The following ADGRV1 variants were observed in gnomAD, a reference collection of about 807,000 sequenced individuals.
ADGRV1 encodes G-protein coupled receptor 98.
In ADGRV1, 359 loss-of-function variants were observed where a neutral mutation model predicts 596.2. That is an observed-to-expected ratio of 0.60 (90% CI 0.55 to 0.66). The LOEUF is 0.66. Among genes scored for constraint, ADGRV1 ranks in the 30% least tolerant of loss-of-function variants. The probability of loss-of-function intolerance (pLI) is 0.00; values close to 1 mark genes in which losing one functional copy is unlikely to be tolerated. For missense variants in ADGRV1, 7,274 were observed against 7,575.6 expected (o/e 0.96, Z 1.48); for synonymous variants, 2,681 against 2,679.2 (o/e 1.00, Z -0.02).
At position 90,815,883 on chromosome 5, in the gene ADGRV1, T is replaced by C. The variant is rs2443080; in HGVS notation, c.16196+147T>C. The C allele has an allele frequency of 0.99, 580,653 of 586,076 alleles. 287,823 individuals carry two copies. Among genetic ancestry groups the C allele is most frequent in the East Asian group, 1 (35,004 of 35,004 alleles). The allele number at this position is 586,076 out of a possible 1,614,324, so 36.3% of individuals were successfully genotyped here. On this transcript the variant is annotated intron_variant, in intron 75 of 89. Transcript: ENST00000405460. ...GTCTTCAGATGCTCTAGTTCTTAATTTGTGATTATGGTACTTCGTTTATGA... is the reference window on the plus strand; with the variant it reads ...GTCTTCAGATGCTCTAGTTCTTAATCTGTGATTATGGTACTTCGTTTATGA...
chr5:90,891,260 T>G (rs1770794834), intron 83 of ADGRV1, among the ~76,000 whole-genome samples: 2 of 150,490 alleles, frequency 1.3e-5, no homozygotes, highest in African/African-American at 4.9e-5. Context: ...TTCTCACTCT[T>G]TGTGTGTGTG....
chr5:90,777,033 A>G (rs547993630), intron 61 of ADGRV1, among the ~76,000 whole-genome samples: 1 of 152,264 alleles, frequency 6.6e-6, no homozygotes, highest in East Asian at 1.9e-4. Flanking sequence ...GCTATAAAGA[A>G]CTGCTTGAGA....
At chr5:91,129,854 C>G (rs73189086) in intron 87 of ADGRV1, among the ~76,000 whole-genome samples, 1,729 of 152,264 alleles carry the variant, frequency 0.011, 32 homozygotes, top group African/African-American at 0.04. Flanking sequence ...AGAGCTGAGA[C>G]TGGAGTTCAA....
At chr5:91,025,776 G>A (rs1016445667) in intron 85 of ADGRV1, among the ~76,000 whole-genome samples, 2 of 152,074 alleles carry the variant, frequency 1.3e-5, no homozygotes, top group African/African-American at 4.8e-5. Flanking sequence ...TGATAAACAG[G>A]GAGGTGAAAC....
chr5:90,610,873 C>A (rs999458403), intron 1 of ADGRV1, among the ~76,000 whole-genome samples: 4 of 151,940 alleles, frequency 2.6e-5, no homozygotes, highest in Non-Finnish European at 5.9e-5. Context: ...TCCTTTCATC[C>A]CCTTGGCTCT....
intron 16 of ADGRV1, among the ~76,000 whole-genome samples, chr5:90,646,604 G>C (rs1767803484): frequency 6.6e-6 from 1 of 151,980 alleles, no homozygotes. Context: ...CTTCAGAACT[G>C]TCTTTGGCCA....
At chr5:90,842,568 A>C (rs1765526747) in intron 78 of ADGRV1, among the ~76,000 whole-genome samples, 1 of 152,094 alleles carries the variant, frequency 6.6e-6, no homozygotes, top group Non-Finnish European at 1.5e-5. Context: ...AAATACAAAA[A>C]TTAGCCGGGC....
At chr5:90,947,709 G>A (rs1776706235) in intron 83 of ADGRV1, among the ~76,000 whole-genome samples, 1 of 152,038 alleles carries the variant, frequency 6.6e-6, no homozygotes, top group Non-Finnish European at 1.5e-5. Flanking sequence ...GTCAGTACAG[G>A]CACTCTACCT....
At chr5:91,072,188 T>G (rs1474723807) in intron 85 of ADGRV1, among the ~76,000 whole-genome samples, 1 of 152,182 alleles carries the variant, frequency 6.6e-6, no homozygotes, top group Non-Finnish European at 1.5e-5. Flanking sequence ...TCTCTCAAAT[T>G]TATTTGGCCA....
At chr5:90,580,192 G>C (rs1457785137) in intron 1 of ADGRV1, among the ~76,000 whole-genome samples, 2 of 152,220 alleles carry the variant, frequency 1.3e-5, no homozygotes, top group Non-Finnish European at 2.9e-5. Context: ...AATTGATGCA[G>C]TTTCTTCACA....
intron 21 of ADGRV1, among the ~76,000 whole-genome samples, chr5:90,664,238 C>T (rs904219382): frequency 1.6e-4 from 23 of 143,380 alleles, no homozygotes; most frequent in African/African-American, 5.5e-4. Flanking sequence ...ATTCTTCCTA[C>T]CCATGAGCAT....
At chr5:90,704,048 A>G (rs1748264718) in intron 35 of ADGRV1, among the ~76,000 whole-genome samples, 1 of 152,106 alleles carries the variant, frequency 6.6e-6, no homozygotes, top group Admixed American at 6.5e-5. Context: ...TCCCTGCAGC[A>G]CTTGTCTTCT....
At chr5:90,730,423 A>G (rs754492081) in intron 50 of ADGRV1, among the ~76,000 whole-genome samples, 5 of 152,188 alleles carry the variant, frequency 3.3e-5, no homozygotes, top group Non-Finnish European at 7.3e-5. Flanking sequence ...AAGTATGTAT[A>G]TGGCAATAGC....
At chr5:91,014,716 A>G (rs1783037244) in intron 85 of ADGRV1, among the ~76,000 whole-genome samples, 1 of 151,712 alleles carries the variant, frequency 6.6e-6, no homozygotes. Context: ...GGTAATTTTT[A>G]TTTCTGTGAG....
chr5:91,038,455 ATAG>A (rs1701857661), intron 85 of ADGRV1, among the ~76,000 whole-genome samples: 2 of 152,232 alleles, frequency 1.3e-5, no homozygotes, highest in Non-Finnish European at 2.9e-5. Context: ...GCAAGAGTTG[ATAG>A]TGCTCTGGCT....
In ADGRV1 at chr5:90,783,785, A is replaced by G. The variant is rs886712955; in HGVS notation, c.13434-53A>G. On this transcript the variant is annotated intron_variant, in intron 66 of 89. Coordinates refer to ENST00000405460, the MANE Select transcript of ADGRV1 (RefSeq NM_032119.4). Reference sequence around the variant, plus strand: ...GAAAATGACTGGTTATTGGGATTTTACAAGCACTTTAATATGTTTAGACTC... The same window carrying G: ...GAAAATGACTGGTTATTGGGATTTTGCAAGCACTTTAATATGTTTAGACTC... The G allele has an allele frequency of 7.5e-6, 10 of 1,339,894 alleles. No homozygotes were observed. The African/African-American group carries it at 1.0e-4, about 14-fold the overall frequency. 83.0% of individuals were successfully genotyped at this position (1,339,894 alleles called of 1,614,324 possible).
At chr5:90,642,098 A>G (rs1767042414) in intron 11 of ADGRV1, among the ~76,000 whole-genome samples, 1 of 152,180 alleles carries the variant, frequency 6.6e-6, no homozygotes, top group South Asian at 2.1e-4. Flanking sequence ...ATATTCCTAA[A>G]ATGTAATCAC....
intron 89 of ADGRV1, among the ~76,000 whole-genome samples, chr5:91,153,955 A>G (rs1438305400): frequency 6.6e-6 from 1 of 152,264 alleles, no homozygotes; most frequent in Non-Finnish European, 1.5e-5. Context: ...ATATGATACT[A>G]GAAACATGCT....
intron 85 of ADGRV1, among the ~76,000 whole-genome samples, chr5:91,027,656 A>G (rs1201824450): frequency 6.6e-6 from 1 of 152,138 alleles, no homozygotes; most frequent in Non-Finnish European, 1.5e-5. Flanking sequence ...CTCCTGCTTT[A>G]GTGTACTATG....
Sources: gnomAD v4.1 joint callset for allele counts (sites outside exome capture counted in the v4.1 genomes callset) on GRCh38, gnomAD v4.1.1 for gene constraint, MANE v1.5 for transcripts, NCBI Gene and HGNC (gene_info 2026-07-23, HGNC 2026-07-21) for gene names.